CDYL2: variants seen among roughly 807,000 people sequenced by gnomAD.
The protein encoded by CDYL2 is chromodomain Y like 2, also known as chromodomain Y-like protein 2.
A neutral mutation model predicts 49.4 loss-of-function variants in CDYL2; 23 were observed. The ratio of observed to expected loss-of-function variants is 0.47; its 90% CI spans 0.34 to 0.66. CDYL2 has a LOEUF of 0.66. Ranked by LOEUF, CDYL2 falls within the 30% of genes least tolerant of loss-of-function variation. The pLI is 0.01. For synonymous variants in CDYL2, 360 were observed against 268.8 expected, an observed-to-expected ratio of 1.34 and a Z score of -3.32; for missense variants, 678 against 656.4, an observed-to-expected ratio of 1.03 and a Z score of -0.36.
intron 1 of CDYL2, among the ~76,000 whole-genome samples, chr16:80,724,888 C>T (rs1905115277): frequency 6.6e-6 from 1 of 152,156 alleles, no homozygotes; most frequent in African/African-American, 2.4e-5. Flanking sequence ...CATAGGGTGG[C>T]CAGGGGAATC....
chr16:80,662,975 A>C (rs932520244), intron 2 of CDYL2, among the ~76,000 whole-genome samples: 2 of 152,092 alleles, frequency 1.3e-5, no homozygotes, highest in African/African-American at 4.8e-5. Context: ...GAATAAATGA[A>C]TGAGTGAATA....
rs9940376 is a variant in CDYL2 at position 80,608,039 on chromosome 16, G to T, written c.1362+53C>A. The T allele has an allele frequency of 2.4e-5, 37 of 1,510,928 alleles. No homozygotes were observed. The South Asian group carries it at 4.3e-4, about 18-fold the overall frequency. The allele number at this position is 1,510,928 out of a possible 1,614,324, so 93.6% of individuals were successfully genotyped here. On this transcript the variant is annotated intron_variant, in intron 6 of 6. Coordinates refer to ENST00000570137, the MANE Select transcript of CDYL2 (RefSeq NM_152342.4). ...GCCCTCTGAGCCTTGCTGTCTTCAT[G>T]TGTAAAATGGGTCTATCAAAAGGAC...
intron 2 of CDYL2, among the ~76,000 whole-genome samples, chr16:80,664,599 G>A (rs553916882): frequency 6.6e-6 from 1 of 152,152 alleles, no homozygotes; most frequent in Non-Finnish European, 1.5e-5. Context: ...TGAACTGTAG[G>A]GGAGAAAATG....
In CDYL2 at chr16:80,684,539, G is replaced by A. The variant is rs778308961; in HGVS notation, c.615C>T (p.Leu205=). The A allele has an allele frequency of 1.4e-5, 22 of 1,609,796 alleles. No homozygotes were observed. Among genetic ancestry groups the A allele is most frequent in the Admixed American group, 1.3e-4 (8 of 59,754 alleles). ...VNHATLAENG[L]GSALTNGGLN... ...CCAAGAGAAAGAAAAGCTACAAACCGAGCCCGTTCTCCGCCAGTGTAGCGT... is the reference window on the plus strand; with the variant it reads ...CCAAGAGAAAGAAAAGCTACAAACCAAGCCCGTTCTCCGCCAGTGTAGCGT... The change falls in exon 2 of 7, where the codon CTC becomes CTT. Residue 205 remains leucine, a splice_region_variant and synonymous_variant. Transcript: ENST00000570137.
chr16:80,762,906 A>C (rs1227451526), intron 1 of CDYL2, among the ~76,000 whole-genome samples: 1 of 152,230 alleles, frequency 6.6e-6, no homozygotes, highest in Non-Finnish European at 1.5e-5. Context: ...AGCATGAGCT[A>C]CAGTACTGCT....
chr16:80,633,041 T>C lies in CDYL2; in HGVS notation c.812A>G (p.Asp271Gly), dbSNP rs767648820. The change falls in exon 3 of 7, where the codon GAT becomes GGT. Residue 271 changes from aspartate to glycine, a missense_variant. Coordinates refer to ENST00000570137, the MANE Select transcript of CDYL2 (RefSeq NM_152342.4). ...TACCTCAGGTGTCAGGGCATTGTTA[T>C]CCGAGGTCTGACTGGACAGCAGGAT... ...THILLSSQTS[D>G]NNALTPEIMK... 2 of 1,614,168 alleles carry C rather than the reference T, an allele frequency of 1.2e-6. No homozygotes were observed. Among genetic ancestry groups the C allele is most frequent in the Non-Finnish European group, 1.7e-6 (2 of 1,179,990 alleles).
At chr16:80,780,524 C>A (rs559063545) in intron 1 of CDYL2, among the ~76,000 whole-genome samples, 1 of 151,328 alleles carries the variant, frequency 6.6e-6, no homozygotes, top group South Asian at 2.1e-4. Flanking sequence ...CCTGCCTCAG[C>A]CTCCCAAGTA....
intron 1 of CDYL2, among the ~76,000 whole-genome samples, chr16:80,761,876 A>G (rs1053879089): frequency 2.2e-5 from 3 of 138,580 alleles, no homozygotes; most frequent in Non-Finnish European, 4.6e-5. Flanking sequence ...AATAAAGGAG[A>G]AAATTAAAAA....
Position 80,722,161 on chromosome 16 carries a change from T to C in CDYL2, c.25-37032A>G, listed in dbSNP as rs910862450. Among the ~76,000 whole-genome samples, 12 of 151,946 alleles carry C rather than the reference T, an allele frequency of 7.9e-5. No individual in the cohort carries two copies. In the South Asian group the frequency reaches 1.9e-3, roughly 24 times the overall value. On this transcript the variant is annotated intron_variant, in intron 1 of 6. Transcript: ENST00000570137. ...ATGATTCTTAATATTGGCTGCAAAATAGAATCACCCAAAGAGGTTTTTAAA... is the reference window on the plus strand; with the variant it reads ...ATGATTCTTAATATTGGCTGCAAAACAGAATCACCCAAAGAGGTTTTTAAA...
intron 2 of CDYL2, among the ~76,000 whole-genome samples, chr16:80,644,117 AC>A (rs1320960430): frequency 6.6e-6 from 1 of 152,210 alleles, no homozygotes; most frequent in Non-Finnish European, 1.5e-5. Flanking sequence ...AATTTCTTTC[AC>A]GAGACACACT....
chr16:80,641,768 G>C (rs1321905275), intron 2 of CDYL2, among the ~76,000 whole-genome samples: 1 of 105,624 alleles, frequency 9.5e-6, no homozygotes, highest in Admixed American at 1.2e-4. Context: ...GAGGGGGGAG[G>C]GATAGCATTA....
chr16:80,661,493 C>CT (rs1354476673), intron 2 of CDYL2, among the ~76,000 whole-genome samples: 5 of 152,174 alleles, frequency 3.3e-5, no homozygotes, highest in Non-Finnish European at 7.3e-5. Flanking sequence ...CTGTAGGACA[C>CT]TGTTTACATC....
chr16:80,667,637 T>C (rs555120671), intron 2 of CDYL2, among the ~76,000 whole-genome samples: 3 of 152,314 alleles, frequency 2.0e-5, no homozygotes, highest in East Asian at 1.9e-4. Flanking sequence ...CTGGTTAGCA[T>C]ACATAGGAAA....
At chr16:80,767,904 A>T (rs1222617227) in intron 1 of CDYL2, among the ~76,000 whole-genome samples, 1 of 152,212 alleles carries the variant, frequency 6.6e-6, no homozygotes, top group Admixed American at 6.5e-5. Flanking sequence ...TCTGTCTGCT[A>T]CTGCAAATAT....
chr16:80,733,140 C>G (rs1398749528), intron 1 of CDYL2, among the ~76,000 whole-genome samples: 1 of 152,112 alleles, frequency 6.6e-6, no homozygotes. Flanking sequence ...CTCTTGTGGG[C>G]AAGGTTGAGG....
chr16:80,714,541 T>C (rs1904731122), intron 1 of CDYL2, among the ~76,000 whole-genome samples: 1 of 152,210 alleles, frequency 6.6e-6, no homozygotes, highest in African/African-American at 2.4e-5. Context: ...GGCTGGTTAC[T>C]CACTATTTAT....
At chr16:80,739,010 T>G (rs527661118) in intron 1 of CDYL2, among the ~76,000 whole-genome samples, 103 of 152,328 alleles carry the variant, frequency 6.8e-4, no homozygotes, top group Non-Finnish European at 1.1e-3. Flanking sequence ...AACCCGATTT[T>G]CCATCAATGG....
chr16:80,799,886 G>A (rs1907874426), intron 1 of CDYL2, among the ~76,000 whole-genome samples: 1 of 152,192 alleles, frequency 6.6e-6, no homozygotes, highest in Non-Finnish European at 1.5e-5. Context: ...GAAGATAGCT[G>A]CCTCTTCAAA....
chr16:80,644,586 G>C (rs2142409660), intron 2 of CDYL2, among the ~76,000 whole-genome samples: 1 of 152,302 alleles, frequency 6.6e-6, no homozygotes, highest in Non-Finnish European at 1.5e-5. Context: ...GCATGCGAAA[G>C]GCACATCTCA....
Sources: allele counts gnomAD v4.1 joint callset (sites outside exome capture counted in the v4.1 genomes callset), GRCh38; gene constraint gnomAD v4.1.1; transcripts MANE v1.5; gene names NCBI Gene and HGNC (gene_info 2026-07-23, HGNC 2026-07-21).